Variants in KCNIP1 observed in about 807,000 individuals in gnomAD.
KCNIP1 encodes the protein potassium voltage-gated channel interacting protein 1.
KCNIP1 carries 18 observed loss-of-function variants against 33.0 expected under a neutral mutation model. The ratio of observed to expected loss-of-function variants is 0.55; its 90% CI spans 0.38 to 0.81. The LOEUF is 0.81. KCNIP1 is among the 30% of genes least tolerant of loss of function. The pLI is 0.00. For missense variants in KCNIP1, 238 were observed against 271.6 expected, an observed-to-expected ratio of 0.88 and a Z score of 0.87; for synonymous variants, 93 against 98.3, an observed-to-expected ratio of 0.95 and a Z score of 0.32.
At chr5:170,548,152 G>C (rs1322566071) in intron 1 of KCNIP1, among the ~76,000 whole-genome samples, 1 of 152,068 alleles carries the variant, frequency 6.6e-6, no homozygotes, top group African/African-American at 2.4e-5. Flanking sequence ...ATTTCTAGAT[G>C]CTCTATATGG....
chr5:170,619,578 A>AG, intron 1 of KCNIP1, among the ~76,000 whole-genome samples: 1 of 152,164 alleles, frequency 6.6e-6, no homozygotes, highest in East Asian at 1.9e-4. Flanking sequence ...AGAAGCCTGG[A>AG]TGAAGGTGCC....
intron 1 of KCNIP1, among the ~76,000 whole-genome samples, chr5:170,590,832 C>T (rs1383795834): frequency 6.6e-6 from 1 of 152,222 alleles, no homozygotes; most frequent in East Asian, 1.9e-4. Flanking sequence ...GGCATGTCTG[C>T]ATCTGCATGC....
At chr5:170,361,857 C>T (rs1462927897) in intron 1 of KCNIP1, among the ~76,000 whole-genome samples, 1 of 152,216 alleles carries the variant, frequency 6.6e-6, no homozygotes, top group Non-Finnish European at 1.5e-5. Context: ...CTCCCAAAGG[C>T]CCCACCTTCA....
intron 1 of KCNIP1, among the ~76,000 whole-genome samples, chr5:170,699,559 A>G (rs1268834717): frequency 7.3e-6 from 1 of 137,732 alleles, no homozygotes; most frequent in East Asian, 1.9e-4. Flanking sequence ...GCTCTGTGAA[A>G]AAAAAAAAAA....
At chr5:170,425,941 A>T (rs1398693651) in intron 1 of KCNIP1, among the ~76,000 whole-genome samples, 1 of 152,208 alleles carries the variant, frequency 6.6e-6, no homozygotes, top group Non-Finnish European at 1.5e-5. Flanking sequence ...CCTGAATTGC[A>T]GCACTGGTCC....
intron 1 of KCNIP1, among the ~76,000 whole-genome samples, chr5:170,428,693 G>A (rs562872456): frequency 4.6e-5 from 7 of 152,186 alleles, no homozygotes; most frequent in African/African-American, 9.6e-5. Flanking sequence ...AAAGCCAATA[G>A]GAAGAAAGGT....
intron 1 of KCNIP1, among the ~76,000 whole-genome samples, chr5:170,614,208 C>G (rs1759283484): frequency 6.6e-6 from 1 of 152,222 alleles, no homozygotes; most frequent in Admixed American, 6.5e-5. Context: ...GCCTGATTCC[C>G]TGCAGATGGG....
intron 1 of KCNIP1, among the ~76,000 whole-genome samples, chr5:170,426,428 C>A (rs1755617005): frequency 6.6e-6 from 1 of 152,208 alleles, no homozygotes; most frequent in African/African-American, 2.4e-5. Context: ...TTGCCTCCTA[C>A]TGAGAGTTAA....
chr5:170,522,391 C>T (rs969102278), intron 1 of KCNIP1, among the ~76,000 whole-genome samples: 6 of 152,214 alleles, frequency 3.9e-5, no homozygotes. Context: ...AATGTGCTCC[C>T]CAGGCAGCTC....
At chr5:170,726,774 G>A (rs1764021778) in intron 5 of KCNIP1, among the ~76,000 whole-genome samples, 1 of 142,294 alleles carries the variant, frequency 7.0e-6, no homozygotes, top group African/African-American at 2.6e-5. Context: ...AGCCAGACAT[G>A]GTGGTAAGCA....
chr5:170,619,423 C>T (rs976233990), intron 1 of KCNIP1, among the ~76,000 whole-genome samples: 3 of 152,192 alleles, frequency 2.0e-5, no homozygotes, highest in East Asian at 1.9e-4. Context: ...TGTAAGACCC[C>T]GAAGGACACA....
chr5:170,378,712 G>T, intron 1 of KCNIP1: 1 of 1,610,336 alleles, frequency 6.2e-7, no homozygotes, highest in Non-Finnish European at 8.5e-7. Context: ...CTCTACTTCT[G>T]GGCCGCCAGG....
At chr5:170,586,501 T>A (rs1472569263) in intron 1 of KCNIP1, among the ~76,000 whole-genome samples, 1 of 151,338 alleles carries the variant, frequency 6.6e-6, no homozygotes, top group Non-Finnish European at 1.5e-5. Context: ...TATACAGATG[T>A]GCTGAAATTT....
intron 1 of KCNIP1, among the ~76,000 whole-genome samples, chr5:170,682,321 C>T (rs114645942): frequency 6.3e-4 from 96 of 152,168 alleles, no homozygotes; most frequent in African/African-American, 2.2e-3. Flanking sequence ...TAGAGTGATC[C>T]AAAGGTTTCT....
At chr5:170,578,428 T>A (rs1419211577) in intron 1 of KCNIP1, among the ~76,000 whole-genome samples, 2 of 152,176 alleles carry the variant, frequency 1.3e-5, no homozygotes, top group Non-Finnish European at 1.5e-5. Flanking sequence ...CAAATCTTTC[T>A]CACTGGGCTG....
At chr5:170,598,896 T>TGCGCGC (rs1554103618) in intron 1 of KCNIP1, among the ~76,000 whole-genome samples, 4 of 121,382 alleles carry the variant, frequency 3.3e-5, no homozygotes, top group African/African-American at 6.1e-5. Flanking sequence ...CCGCTGTGTG[T>TGCGCGC]GTGTGCGCGT....
At chr5:170,734,757 A>G (rs549992615) in intron 7 of KCNIP1, among the ~76,000 whole-genome samples, 1 of 152,376 alleles carries the variant, frequency 6.6e-6, no homozygotes, top group South Asian at 2.1e-4. Flanking sequence ...TCAAGTTTCA[A>G]GCACATACAT....
chr5:170,534,709 T>TG (rs1485696259), intron 1 of KCNIP1, among the ~76,000 whole-genome samples: 1 of 151,854 alleles, frequency 6.6e-6, no homozygotes, highest in Non-Finnish European at 1.5e-5. Flanking sequence ...TTTGTAGAAA[T>TG]GGGGGTCTCA....
intron 1 of KCNIP1, among the ~76,000 whole-genome samples, chr5:170,599,276 T>C (rs1166936733): frequency 6.6e-6 from 1 of 152,064 alleles, no homozygotes; most frequent in African/African-American, 2.4e-5. Flanking sequence ...ATGATTACAA[T>C]GGAGGGAAAA....
Sources: gnomAD v4.1 joint callset for allele counts (sites outside exome capture counted in the v4.1 genomes callset) on GRCh38, gnomAD v4.1.1 for gene constraint, MANE v1.5 for transcripts, NCBI Gene and HGNC (gene_info 2026-07-23, HGNC 2026-07-21) for gene names.